FNDC3A: variants seen among roughly 807,000 people sequenced by gnomAD.
The protein encoded by FNDC3A is fibronectin type-III domain-containing protein 3A.
Under a neutral mutation model 148.9 loss-of-function variants are expected in FNDC3A, and 32 were observed. The ratio of observed to expected loss-of-function variants is 0.21; its 90% confidence interval spans 0.16 to 0.29. The LOEUF (loss-of-function observed/expected upper bound fraction) is 0.29, where lower values mean the gene tolerates loss of function less well. FNDC3A is among the 10% of genes least tolerant of loss of function. The pLI, the probability that FNDC3A is intolerant of heterozygous loss-of-function variation, is 1.00. For missense variants in FNDC3A, 1,191 were observed against 1,452.8 expected (o/e 0.82, Z 2.93); for synonymous variants, 472 against 473.6 (o/e 1.00, Z 0.04).
Position 49,207,122 on chromosome 13 carries a change from T to C in FNDC3A, c.3324T>C (p.Leu1108=). ...ACTCTTCCTTCCGGTATTCCAGCCT[T>C]CAGCTGAACTGTGAATATCGCTTCC... ...GPDSSFRYSS[L]QLNCEYRFRV... is the part of the protein sequence containing the mutation. Residue 1108 remains leucine (L), a synonymous_variant, in exon 26 of 26, where the codon CTT becomes CTC. Transcript: ENST00000492622. 6.2e-7 allele frequency: 1 copy of C among 1,614,172 alleles called. No individual in the cohort carries two copies. The highest frequency in any genetic ancestry group is 1.3e-5 in the African/African-American group (1 of 75,062).
intron 5 of FNDC3A, among the ~76,000 whole-genome samples, chr13:49,135,720 A>G (rs1015951478): frequency 5.3e-5 from 8 of 152,210 alleles, no homozygotes; most frequent in African/African-American, 1.9e-4. Flanking sequence ...TATTGAGCAT[A>G]ATGACTTAAT....
At chr13:49,138,077 A>C (rs1313200535) in intron 6 of FNDC3A, among the ~76,000 whole-genome samples, 2 of 152,222 alleles carry the variant, frequency 1.3e-5, no homozygotes, top group African/African-American at 4.8e-5. Flanking sequence ...AATGCTTCCA[A>C]CTTTGAGGGA....
chr13:49,136,608 G>C lies in FNDC3A; in HGVS notation c.760+7G>C. On this transcript the variant is annotated splice_region_variant and intron_variant, in intron 6 of 25. Transcript: ENST00000492622. The stretch of plus-strand genomic sequence containing the variant: ...GTTGATACAGAAATTGAAGGTAACT[G>C]TTTGAAGTACTGAACTGTTCTCATT... The C allele has an allele frequency of 4.3e-6, 7 of 1,610,688 alleles. No homozygotes were observed. The highest frequency in any genetic ancestry group is 5.9e-6 in the Non-Finnish European group (7 of 1,177,388).
At chr13:49,058,497 C>G (rs1223168422) in intron 2 of FNDC3A, among the ~76,000 whole-genome samples, 4 of 152,180 alleles carry the variant, frequency 2.6e-5, no homozygotes, top group Admixed American at 2.0e-4. Flanking sequence ...CTCCCTTAAT[C>G]CAATCTAACT....
At chr13:49,198,839 TTAAAA>T (rs1318371617) in intron 23 of FNDC3A, among the ~76,000 whole-genome samples, 1 of 152,234 alleles carries the variant, frequency 6.6e-6, no homozygotes, top group Non-Finnish European at 1.5e-5. Context: ...TGTGCTGTTT[TTAAAA>T]CGTTAGAAAA....
intron 8 of FNDC3A, among the ~76,000 whole-genome samples, chr13:49,156,694 A>G (rs930252268): frequency 4.0e-5 from 6 of 150,366 alleles, no homozygotes; most frequent in Non-Finnish European, 5.9e-5. Context: ...CTTCCTTCAG[A>G]AGCTCTTTTA....
chr13:49,134,944 C>G (rs1200294715), intron 5 of FNDC3A, among the ~76,000 whole-genome samples: 2 of 148,050 alleles, frequency 1.4e-5, no homozygotes, highest in East Asian at 4.0e-4. Flanking sequence ...TGCCCTCTGC[C>G]TCCCAGGTTC....
At chr13:49,099,541 T>C (rs183284818) in intron 3 of FNDC3A, among the ~76,000 whole-genome samples, 1 of 152,252 alleles carries the variant, frequency 6.6e-6, no homozygotes, top group Admixed American at 6.5e-5. Flanking sequence ...GGAAATTAAA[T>C]ATTTCTGCCA....
At chr13:49,120,997 A>G (rs892078978) in intron 4 of FNDC3A, among the ~76,000 whole-genome samples, 21 of 152,214 alleles carry the variant, frequency 1.4e-4, no homozygotes, top group Non-Finnish European at 2.5e-4. Flanking sequence ...AAGCTGACCT[A>G]ATAGACATCT....
intron 2 of FNDC3A, among the ~76,000 whole-genome samples, chr13:49,013,357 A>G (rs1266841484): frequency 6.6e-6 from 1 of 151,794 alleles, no homozygotes; most frequent in East Asian, 1.9e-4. Flanking sequence ...TTTTCCTTCA[A>G]ATTTTGATGT....
At chr13:49,185,284 T>C (rs771992425) in intron 14 of FNDC3A, among the ~76,000 whole-genome samples, 6 of 152,168 alleles carry the variant, frequency 3.9e-5, no homozygotes, top group Non-Finnish European at 7.3e-5. Flanking sequence ...AACAAACTTA[T>C]AGTTTCTGTG....
chr13:49,032,850 T>A (rs1874225628), intron 2 of FNDC3A, among the ~76,000 whole-genome samples: 1 of 152,176 alleles, frequency 6.6e-6, no homozygotes, highest in Non-Finnish European at 1.5e-5. Flanking sequence ...AAATTATAAC[T>A]CTTTACAGGG....
At chr13:49,109,657 T>G (rs1201169107) in intron 3 of FNDC3A, among the ~76,000 whole-genome samples, 1 of 152,180 alleles carries the variant, frequency 6.6e-6, no homozygotes, top group Non-Finnish European at 1.5e-5. Context: ...AGGCTGTCTT[T>G]TCAGATTCGT....
In FNDC3A at chr13:49,170,766, A is replaced by G. The variant is rs568498944; in HGVS notation, c.1177-1277A>G. Among the ~76,000 whole-genome samples the G allele has an allele frequency of 2.6e-5, 4 of 152,340 alleles. No individual in the cohort carries two copies. In the East Asian group the frequency reaches 7.7e-4, roughly 29 times the overall value. ...ATTGGAGGACTAAATGAGATAAGGTAAAACACTTTACACTTAATAGTATCC... is the reference window on the plus strand; with the variant it reads ...ATTGGAGGACTAAATGAGATAAGGTGAAACACTTTACACTTAATAGTATCC... On this transcript the variant is annotated intron_variant, in intron 10 of 25. Transcript: ENST00000492622.
At chr13:49,166,663 C>A (rs867581154) in intron 8 of FNDC3A, among the ~76,000 whole-genome samples, 3 of 152,128 alleles carry the variant, frequency 2.0e-5, no homozygotes, top group South Asian at 2.1e-4. Flanking sequence ...CTGGGGGTCA[C>A]TTACTTACCC....
At chr13:49,159,089 T>A (rs183759425) in intron 8 of FNDC3A, among the ~76,000 whole-genome samples, 6 of 152,220 alleles carry the variant, frequency 3.9e-5, no homozygotes, top group Non-Finnish European at 8.8e-5. Flanking sequence ...CTTAGGATTG[T>A]CTTGACAATG....
chr13:49,025,847 A>G (rs532594002), intron 2 of FNDC3A, among the ~76,000 whole-genome samples: 3 of 152,314 alleles, frequency 2.0e-5, no homozygotes, highest in African/African-American at 2.4e-5. Context: ...GGCACAGTCA[A>G]TTTGGAGAGT....
At chr13:49,115,473 A>G (rs549571234) in intron 4 of FNDC3A, among the ~76,000 whole-genome samples, 1 of 152,298 alleles carries the variant, frequency 6.6e-6, no homozygotes, top group Admixed American at 6.5e-5. Context: ...TGATTATGCC[A>G]GAATATTGGT....
chr13:49,129,649 T>G (rs1881911029), intron 4 of FNDC3A, among the ~76,000 whole-genome samples: 1 of 152,152 alleles, frequency 6.6e-6, no homozygotes, highest in East Asian at 1.9e-4. Flanking sequence ...AGACTTAAAT[T>G]CAGAACTGAG....
Sources: gnomAD v4.1 joint callset for allele counts (sites outside exome capture counted in the v4.1 genomes callset) on GRCh38, gnomAD v4.1.1 for gene constraint, MANE v1.5 for transcripts, NCBI Gene and HGNC (gene_info 2026-07-23, HGNC 2026-07-21) for gene names.